COL6A3: variants seen among roughly 807,000 people sequenced by gnomAD.
The protein encoded by COL6A3 is collagen alpha-3(VI) chain.
COL6A3 carries 137 observed loss-of-function variants against 274.1 expected under a neutral mutation model. The ratio of observed to expected loss-of-function variants is 0.50; its 90% CI spans 0.44 to 0.58. The LOEUF is 0.58. COL6A3 is among the 20% of genes least tolerant of loss of function. The probability of loss-of-function intolerance (pLI) is 0.00; values close to 1 mark genes in which losing one functional copy is unlikely to be tolerated. For synonymous variants in COL6A3, 1,650 were observed against 1,650.6 expected, an observed-to-expected ratio of 1.00 and a Z score of 0.01; for missense variants, 3,950 against 4,124.9, an observed-to-expected ratio of 0.96 and a Z score of 1.16.
intron 20 of COL6A3, 82 bp from the exon 21 acceptor site, chr2:237,358,665 TA>T: frequency 8.2e-7 from 1 of 1,224,332 alleles, no homozygotes. Flanking sequence ...CTTCAACTCA[TA>T]AATCTTAACT....
At chr2:237,336,725 A>T (rs1201841324) in intron 39 of COL6A3, among the ~76,000 whole-genome samples, 193 bp from the exon 40 acceptor site, 1 of 152,238 alleles carries the variant, frequency 6.6e-6, no homozygotes. Flanking sequence ...GATATGGAAC[A>T]GCATATTGAA....
chr2:237,357,329 G>A lies in COL6A3; in HGVS notation c.6591+9C>T. The A allele has an allele frequency of 6.2e-7, 1 of 1,613,432 alleles. No individual in the cohort carries two copies. Among genetic ancestry groups the A allele is most frequent in the Non-Finnish European group, 8.5e-7 (1 of 1,179,366 alleles). On this transcript the variant is annotated intron_variant, in intron 23 of 43. Coordinates refer to ENST00000295550, the MANE Select transcript of COL6A3 (RefSeq NM_004369.4). ...TCACAGAGCCCCCCAAAGCCCTAAT[G>A]GCACTCACATTCTTCCCAGTTTCTC...
chr2:237,395,852 T>C (rs1316399252), intron 2 of COL6A3, among the ~76,000 whole-genome samples: 1 of 152,238 alleles, frequency 6.6e-6, no homozygotes, highest in Non-Finnish European at 1.5e-5. Context: ...AAAGTCTCCA[T>C]AGATGTCAAA....
At chr2:237,378,251 C>T (rs573065531) in intron 6 of COL6A3, among the ~76,000 whole-genome samples, 88 of 152,300 alleles carry the variant, frequency 5.8e-4, no homozygotes, top group African/African-American at 1.9e-3. Flanking sequence ...TGTAAAAATA[C>T]AATTTCAACG....
At chr2:237,409,817 T>A (rs1314457198) in intron 1 of COL6A3, among the ~76,000 whole-genome samples, 1 of 152,176 alleles carries the variant, frequency 6.6e-6, no homozygotes, top group East Asian at 1.9e-4. Flanking sequence ...CGCAATGGCA[T>A]GAATATGCAA....
rs1294454631 is a variant in COL6A3, at chr2:237,340,625, C to T, written c.8291G>A (p.Cys2764Tyr). The T allele has an allele frequency of 1.2e-6, 2 of 1,614,206 alleles. No individual in the cohort carries two copies. Among genetic ancestry groups the T allele is most frequent in the Admixed American group, 1.7e-5 (1 of 60,030 alleles). ...EAQRVILQAKCKGYFFVVLGI... is the reference protein window; with the variant it reads ...EAQRVILQAKYKGYFFVVLGI... ...CAGGACCACGAAGAAGTAGCCCTTG[C>T]ATTTGGCCTGCAGGATGACTCTCTG... Residue 2764 changes from cysteine (C) to tyrosine (Y), a missense_variant, in exon 38 of 44, where the codon TGC becomes TAC. Cys to Tyr is a radical substitution (Grantham distance 194). Around this residue, in one of 5 missense-constraint regions of COL6A3, gnomAD observed 1,284 missense variants for 1,349.7 expected, o/e 0.95. Coordinates refer to ENST00000295550, the MANE Select transcript of COL6A3 (RefSeq NM_004369.4).
rs1217924730 is a variant in COL6A3, at chr2:237,368,874, T to G, written c.4589A>C (p.Lys1530Thr). 2 of 1,614,206 alleles carry G rather than the reference T, an allele frequency of 1.2e-6. No homozygotes were observed. Among genetic ancestry groups the G allele is most frequent in the South Asian group, 2.2e-5 (2 of 91,078 alleles). ...LEFVARNLFV[K>T]SAGSRIEDGV... is the part of the protein sequence containing the mutation. The stretch of plus-strand genomic sequence containing the variant: ...GTCTTCTATGCGACTCCCCGCAGAC[T>G]TAACAAAGAGGTTTCTTGCCACAAA... Residue 1530 changes from lysine to threonine, a missense_variant, in exon 10 of 44, where the codon AAG (lysine) becomes ACG (threonine). By Grantham distance (78) the Lys-to-Thr change is moderately conservative. Coordinates refer to ENST00000295550, the MANE Select transcript of COL6A3 (RefSeq NM_004369.4). This position sits in a 1 kb window ranked among gnomAD's most constrained non-coding sequence, Gnocchi z 4.4.
intron 7 of COL6A3, 68 bp from the exon 8 acceptor site, chr2:237,375,088 G>A: frequency 6.2e-7 from 1 of 1,601,434 alleles, no homozygotes; most frequent in Non-Finnish European, 8.5e-7. Flanking sequence ...AACGAGGTGG[G>A]CTGCATAAGA....
chr2:237,352,621 G>C (rs1427096323), intron 25 of COL6A3, 37 bp from the exon 26 acceptor site: 2 of 1,592,772 alleles, frequency 1.3e-6, no homozygotes, highest in Admixed American at 1.7e-5. Flanking sequence ...TGCTAATGAG[G>C]TGACTTTCCA....
chr2:237,380,852 T>C, intron 5 of COL6A3, 63 bp downstream of exon 5: 2 of 1,449,488 alleles, frequency 1.4e-6, no homozygotes, highest in Non-Finnish European at 1.9e-6. Flanking sequence ...TCATTTTGTT[T>C]TGTTCTTAAA....
chr2:237,409,854 C>A (rs1187765494), intron 1 of COL6A3, among the ~76,000 whole-genome samples: 1 of 152,174 alleles, frequency 6.6e-6, no homozygotes, highest in Non-Finnish European at 1.5e-5. Flanking sequence ...AAGCACCCGA[C>A]TGTTCATTTA....
rs148183839 is a variant in COL6A3 at position 237,324,784 on chromosome 2, A to G, written c.9524T>C (p.Met3175Thr). 8.4e-4 allele frequency: 1,356 copies of G among 1,613,868 alleles called. 2 individuals carry two copies. Among genetic ancestry groups the G allele is most frequent in the Non-Finnish European group, 6.1e-4 (717 of 1,180,018 alleles). ...VLAKPGVISV[M>T]GT ...GTTGGCCACCCACGCTTAGGTTCCC[A>G]TCACACTGATGACTCCGGGTTTGGC... The change falls in exon 44 of 44, where the codon ATG becomes ACG. Residue 3175 changes from methionine to threonine, a missense_variant. Around this residue, in one of 5 missense-constraint regions of COL6A3, gnomAD observed 1,284 missense variants for 1,349.7 expected, o/e 0.95. Transcript: ENST00000295550.
intron 1 of COL6A3, among the ~76,000 whole-genome samples, chr2:237,401,052 A>T (rs2078576507): frequency 6.6e-6 from 1 of 152,216 alleles, no homozygotes; most frequent in African/African-American, 2.4e-5. Context: ...AATCAATATG[A>T]TGCTGACTTA....
chr2:237,385,255 C>G (rs567754320), intron 4 of COL6A3, among the ~76,000 whole-genome samples: 4 of 152,214 alleles, frequency 2.6e-5, no homozygotes, highest in Non-Finnish European at 4.4e-5. Context: ...AGCACCATAT[C>G]TCTAGTGCTT....
intron 17 of COL6A3, 50 bp from the exon 18 acceptor site, chr2:237,359,438 T>TCCCTC: frequency 6.2e-7 from 1 of 1,608,868 alleles, no homozygotes. Context: ...GCAGGGCTGG[T>TCCCTC]CCCTCGGGCA....
chr2:237,346,564 C>T lies in COL6A3; in HGVS notation c.7031G>A (p.Gly2344Glu), dbSNP rs367725413. 165 of 1,613,426 alleles carry T rather than the reference C, an allele frequency of 1.0e-4. 1 individual carries two copies. Among genetic ancestry groups the T allele is most frequent in the Non-Finnish European group, 1.4e-4 (163 of 1,179,558 alleles). Residue 2344 changes from glycine to glutamate, a missense_variant and splice_region_variant, in exon 32 of 44, where the codon GGA becomes GAA. By Grantham distance (98) the Gly-to-Glu change is moderately conservative (BLOSUM62 -2). Transcript: ENST00000295550. ...TGPKGIRGRR[G>E]NSGPPGIVGQ... ...AACTATCCCTGGAGGTCCCGAATTT[C>T]CCTAGAGGGAGCAGAACAAACATTG...
At chr2:237,338,186 T>A (rs2106316708) in intron 39 of COL6A3, among the ~76,000 whole-genome samples, 1 of 152,304 alleles carries the variant, frequency 6.6e-6, no homozygotes. Flanking sequence ...GTGGCAGAAG[T>A]AACAGTGTGC....
intron 1 of COL6A3, among the ~76,000 whole-genome samples, chr2:237,411,253 A>G (rs1238619871): frequency 1.3e-5 from 2 of 152,208 alleles, no homozygotes; most frequent in African/African-American, 4.8e-5. Context: ...GAACTTTCAA[A>G]TAAAAATTTT....
chr2:237,380,587 C>G (rs1232896205), intron 5 of COL6A3, among the ~76,000 whole-genome samples: 1 of 152,144 alleles, frequency 6.6e-6, no homozygotes. Context: ...CAGAAATCAC[C>G]AGTAGAAACA....
Sources: gnomAD v4.1 joint callset for allele counts (sites outside exome capture counted in the v4.1 genomes callset) on GRCh38, gnomAD v4.1.1 for gene constraint, gnomAD v4.1.1 regional missense constraint, Gnocchi (gnomAD v3.1) non-coding constraint, MANE v1.5 for transcripts, NCBI Gene and HGNC (gene_info 2026-07-23, HGNC 2026-07-21) for gene names.